The following SNX2 variants were observed in gnomAD, a reference collection of about 807,000 sequenced individuals.
SNX2 encodes sorting nexin-2.
Under a neutral mutation model 69.9 loss-of-function variants are expected in SNX2, and 25 were observed. The ratio of observed to expected loss-of-function variants is 0.36; its 90% CI spans 0.26 to 0.50. The LOEUF is 0.50. Ranked by LOEUF, SNX2 falls within the 20% of genes least tolerant of loss-of-function variation. The probability of loss-of-function intolerance (pLI) is 0.97; values close to 1 mark genes in which losing one functional copy is unlikely to be tolerated. For synonymous variants in SNX2, 229 were observed against 200.4 expected (o/e 1.14, Z -1.20); for missense variants, 551 against 613.3 (o/e 0.90, Z 1.07).
intron 1 of SNX2, among the ~76,000 whole-genome samples, chr5:122,780,132 C>G (rs1752939425): frequency 6.6e-6 from 1 of 152,156 alleles, no homozygotes; most frequent in Admixed American, 6.5e-5. Flanking sequence ...TAGCATTAGG[C>G]AGCTAGGACT....
At chr5:122,827,730 G>T in intron 14 of SNX2, 84 bp downstream of exon 14, 1 of 923,810 alleles carries the variant, frequency 1.1e-6, no homozygotes, top group South Asian at 1.5e-5. Flanking sequence ...TTAATGAACT[G>T]GGCATTTAAA....
intron 1 of SNX2, among the ~76,000 whole-genome samples, chr5:122,794,493 C>T (rs184714586): frequency 1.2e-3 from 182 of 152,284 alleles, no homozygotes; most frequent in African/African-American, 4.3e-3. Context: ...GGACATGCAA[C>T]ATGTTTTCAG....
intron 1 of SNX2, among the ~76,000 whole-genome samples, chr5:122,777,887 G>A (rs1324478969): frequency 6.6e-6 from 1 of 152,086 alleles, no homozygotes; most frequent in Non-Finnish European, 1.5e-5. Flanking sequence ...ACAATAAATT[G>A]TTAATTTTAG....
chr5:122,787,400 G>A (rs1469616364), intron 1 of SNX2, among the ~76,000 whole-genome samples: 1 of 152,026 alleles, frequency 6.6e-6, no homozygotes, highest in Non-Finnish European at 1.5e-5. Context: ...CATGCCTGTA[G>A]TTCCAGCTAT....
chr5:122,826,017 C>T (rs1179757712), intron 11 of SNX2, 33 bp from the exon 12 acceptor site: 2 of 1,585,738 alleles, frequency 1.3e-6, no homozygotes, highest in Non-Finnish European at 1.7e-6. Context: ...AAATGTTACT[C>T]TTACTTAATA....
chr5:122,827,422 T>C lies in SNX2; in HGVS notation c.1400T>C (p.Ile467Thr), dbSNP rs1754176246. ...VQQGERDFEQ[I>T]SKTIRKEVGR... ...CAAGGGGAAAGAGATTTTGAACAGATATCTAAAACGATTCGAAAAGAAGTG... is the reference window on the plus strand; with the variant it reads ...CAAGGGGAAAGAGATTTTGAACAGACATCTAAAACGATTCGAAAAGAAGTG... The change falls in exon 13 of 15, where the codon ATA (isoleucine) becomes ACA (threonine). Residue 467 changes from isoleucine (I) to threonine (T), a missense_variant. Around this residue, in one of 2 missense-constraint regions of SNX2, gnomAD observed 360 missense variants for 450.4 expected, o/e 0.80. Transcript: ENST00000379516. 1 of 1,613,572 alleles carries C rather than the reference T, an allele frequency of 6.2e-7. No homozygotes were observed. Among genetic ancestry groups the C allele is most frequent in the African/African-American group, 1.3e-5 (1 of 75,034 alleles).
In SNX2 at chr5:122,833,876, C is replaced by T. The variant is rs1754349915; in HGVS notation, c.*4228C>T. On this transcript the variant is annotated 3_prime_UTR_variant, in exon 15 of 15. Coordinates refer to ENST00000379516, the MANE Select transcript of SNX2 (RefSeq NM_003100.4). ...GACTCCTAGTTGTTACTCTCAAGGG[C>T]AGGTATAATTTATGTGCAAGACTTT... 1.3e-5 allele frequency: 2 copies of T among 152,138 alleles called. No homozygotes were observed. Among genetic ancestry groups the T allele is most frequent in the South Asian group, 4.1e-4 (2 of 4,834 alleles). The allele number at this position is 152,138 out of a possible 1,614,324, so 9.4% of individuals were successfully genotyped here.
At chr5:122,809,115 A>G (rs1195417767) in intron 7 of SNX2, among the ~76,000 whole-genome samples, 2 of 152,176 alleles carry the variant, frequency 1.3e-5, no homozygotes, top group Non-Finnish European at 2.9e-5. Flanking sequence ...ATTTTTGGTC[A>G]TTATTGTCTA....
At chr5:122,827,974 G>GT (rs1042562986) in intron 14 of SNX2, 15 of 201,164 alleles carry the variant, frequency 7.5e-5, no homozygotes, top group African/African-American at 3.5e-4. Flanking sequence ...AATTCTCATA[G>GT]TAAGTTCTTC....
intron 1 of SNX2, among the ~76,000 whole-genome samples, chr5:122,787,130 C>T (rs1366376685): frequency 6.6e-6 from 1 of 152,120 alleles, no homozygotes; most frequent in East Asian, 1.9e-4. Context: ...CCTTTCCATC[C>T]ACTAGAAAAT....
chr5:122,775,141 G>T lies in SNX2; in HGVS notation c.38G>T (p.Gly13Val), dbSNP rs766734934. The change falls in exon 1 of 15, where the codon GGG (glycine) becomes GTG (valine). Residue 13 changes from glycine to valine, a missense_variant. By Grantham distance (109) the Gly-to-Val change is moderately radical. This residue lies in a region of SNX2 where 191 missense variants were observed against 162.9 expected (regional missense o/e 1.17). Transcript: ENST00000379516. ...AGGGAACCTCCTCCGCTGGGGGACG[G>T]GAAGCCCACCGACTTTGAGGATCTG... The part of the protein sequence containing the change: ...AEREPPPLGD[G>V]KPTDFEDLED... 7.5e-6 allele frequency: 12 copies of T among 1,596,274 alleles called. No homozygotes were observed. Among genetic ancestry groups the T allele is most frequent in the Non-Finnish European group, 1.7e-6 (2 of 1,173,154 alleles).
chr5:122,794,759 C>G (rs748018907), intron 1 of SNX2, among the ~76,000 whole-genome samples: 8 of 152,026 alleles, frequency 5.3e-5, no homozygotes, highest in African/African-American at 9.7e-5. Flanking sequence ...TGTTGGCACA[C>G]ACCTGTAATC....
intron 1 of SNX2, among the ~76,000 whole-genome samples, chr5:122,776,663 G>A (rs1436754762): frequency 6.6e-6 from 1 of 152,164 alleles, no homozygotes; most frequent in Admixed American, 6.5e-5. Context: ...GAAAGTGTCT[G>A]CAGGATCCTA....
At chr5:122,779,285 C>A (rs1321329595) in intron 1 of SNX2, among the ~76,000 whole-genome samples, 1 of 152,102 alleles carries the variant, frequency 6.6e-6, no homozygotes, top group Non-Finnish European at 1.5e-5. Context: ...CAGAAAGATA[C>A]CCTGTACCCT....
rs531543755 is a variant in SNX2, at chr5:122,803,887, C to T, written c.643+274C>T. 9 of 236,142 alleles carry T rather than the reference C, an allele frequency of 3.8e-5. No homozygotes were observed. In the South Asian group the frequency reaches 1.1e-3, roughly 29 times the overall value. 14.6% of individuals were successfully genotyped at this position (236,142 alleles called of 1,614,324 possible). A position where few individuals can be genotyped will look rare whatever the true frequency, so the allele number is the denominator to read the frequency against. Reference sequence around the variant, plus strand: ...TGTGTGGTGGCTCACACCTGTAATTCCAGCACTTAGGGAGGCCAGGGTAGG... The same window carrying T: ...TGTGTGGTGGCTCACACCTGTAATTTCAGCACTTAGGGAGGCCAGGGTAGG... On this transcript the variant is annotated intron_variant, in intron 6 of 14. Coordinates refer to ENST00000379516, the MANE Select transcript of SNX2 (RefSeq NM_003100.4).
intron 8 of SNX2, among the ~76,000 whole-genome samples, chr5:122,816,700 G>C (rs1459130599): frequency 6.6e-6 from 1 of 151,812 alleles, no homozygotes; most frequent in South Asian, 2.1e-4. Flanking sequence ...CAAATGGAAA[G>C]TCTATTTTTT....
At chr5:122,783,392 G>A (rs1395559746) in intron 1 of SNX2, among the ~76,000 whole-genome samples, 1 of 151,972 alleles carries the variant, frequency 6.6e-6, no homozygotes, top group African/African-American at 2.4e-5. Context: ...TTAACCCATG[G>A]TCACAAAGAT....
chr5:122,797,015 A>C (rs1311683261), intron 2 of SNX2, among the ~76,000 whole-genome samples: 1 of 152,192 alleles, frequency 6.6e-6, no homozygotes, highest in Non-Finnish European at 1.5e-5. Flanking sequence ...GCAGCTTTGA[A>C]CTCTTGGGCA....
chr5:122,797,893 A>T (rs927882726), intron 2 of SNX2, among the ~76,000 whole-genome samples: 1 of 152,194 alleles, frequency 6.6e-6, no homozygotes, highest in Admixed American at 6.5e-5. Context: ...TATATGTTGA[A>T]TCTAAATCCT....
Sources: allele counts gnomAD v4.1 joint callset (sites outside exome capture counted in the v4.1 genomes callset), GRCh38; gene constraint gnomAD v4.1.1; regional missense constraint gnomAD v4.1.1; transcripts MANE v1.5; gene names NCBI Gene and HGNC (gene_info 2026-07-23, HGNC 2026-07-21).